CPPED1: variants seen among roughly 807,000 people sequenced by gnomAD.
CPPED1 encodes the protein serine/threonine-protein phosphatase CPPED1.
Under a neutral mutation model 28.0 loss-of-function variants are expected in CPPED1, and 28 were observed. The ratio of observed to expected loss-of-function variants is 1.00; its 90% CI spans 0.74 to 1.37. The LOEUF (loss-of-function observed/expected upper bound fraction) is 1.37, where lower values mean the gene tolerates loss of function less well. Among genes scored for constraint, CPPED1 ranks in the 40% most tolerant of loss-of-function variants. The probability of loss-of-function intolerance (pLI) is 0.00; values close to 1 mark genes in which losing one functional copy is unlikely to be tolerated. For missense variants in CPPED1, 504 were observed against 416.5 expected (o/e 1.21, Z -1.83); for synonymous variants, 198 against 180.2 (o/e 1.10, Z -0.79).
intron 2 of CPPED1, among the ~76,000 whole-genome samples, chr16:12,771,690 A>C (rs1470229280): frequency 6.6e-6 from 1 of 152,236 alleles, no homozygotes; most frequent in Non-Finnish European, 1.5e-5. Context: ...CTGGAGGAAA[A>C]TGAGTATCAA....
At chr16:12,749,937 G>C (rs1413301592) in intron 2 of CPPED1, among the ~76,000 whole-genome samples, 2 of 152,164 alleles carry the variant, frequency 1.3e-5, no homozygotes, top group Non-Finnish European at 2.9e-5. Context: ...ATCCTTTCCA[G>C]AAGGTTTTCA....
intron 1 of CPPED1, among the ~76,000 whole-genome samples, chr16:12,787,055 T>C (rs1425365049): frequency 6.6e-6 from 1 of 152,270 alleles, no homozygotes; most frequent in East Asian, 1.9e-4. Context: ...CACACACACA[T>C]ACATACACGT....
At chr16:12,718,104 G>A (rs1300480224) in intron 2 of CPPED1, among the ~76,000 whole-genome samples, 1 of 152,202 alleles carries the variant, frequency 6.6e-6, no homozygotes, top group Admixed American at 6.5e-5. Flanking sequence ...TCTGTCAGGG[G>A]AAGAGAAGAG....
chr16:12,680,076 C>T (rs2079897200), intron 3 of CPPED1, among the ~76,000 whole-genome samples: 1 of 152,208 alleles, frequency 6.6e-6, no homozygotes, highest in African/African-American at 2.4e-5. Flanking sequence ...AGTTCTGCCT[C>T]TTACCTTCCC....
chr16:12,682,621 C>T lies in CPPED1; in HGVS notation c.716-17506G>A, dbSNP rs75629655. Among the ~76,000 whole-genome samples the T allele has an allele frequency of 0.034, 5,109 of 152,190 alleles. 306 individuals carry two copies. The highest frequency in any genetic ancestry group is 0.12 in the African/African-American group (4,833 of 41,490). On this transcript the variant is annotated intron_variant, in intron 3 of 3. Transcript: ENST00000381774. The surrounding 1 kb of genome is among the most constrained non-coding windows in gnomAD (Gnocchi z 6.1). ...AAGGCAAGACTAGTATCAACCATCCCCAGGGCCACTGGGAAGATAAGTGAG... is the reference window on the plus strand; with the variant it reads ...AAGGCAAGACTAGTATCAACCATCCTCAGGGCCACTGGGAAGATAAGTGAG...
intron 2 of CPPED1, among the ~76,000 whole-genome samples, chr16:12,708,415 A>T (rs567699525): frequency 6.6e-6 from 1 of 152,146 alleles, no homozygotes; most frequent in South Asian, 2.1e-4. Flanking sequence ...TACTAAGATA[A>T]TGATGTCTAG....
At chr16:12,708,815 C>T (rs1309905949) in intron 2 of CPPED1, among the ~76,000 whole-genome samples, 2 of 152,168 alleles carry the variant, frequency 1.3e-5, no homozygotes, top group African/African-American at 4.8e-5. Flanking sequence ...TGCAGTGGCT[C>T]ATGCCTGTAC....
chr16:12,707,665 A>C (rs1374414277), intron 2 of CPPED1, among the ~76,000 whole-genome samples: 1 of 152,196 alleles, frequency 6.6e-6, no homozygotes, highest in Admixed American at 6.5e-5. Flanking sequence ...GTTCAAAAGA[A>C]AGGCTGACTT....
intron 1 of CPPED1, among the ~76,000 whole-genome samples, chr16:12,799,548 G>A (rs112076119): frequency 0.023 from 3,436 of 152,246 alleles, 88 homozygotes; most frequent in African/African-American, 0.064. Context: ...TCCCAGCCTC[G>A]AAAAGCTAGT....
At chr16:12,747,275 T>C (rs2080295761) in intron 2 of CPPED1, among the ~76,000 whole-genome samples, 1 of 151,544 alleles carries the variant, frequency 6.6e-6, no homozygotes, top group African/African-American at 2.4e-5. Context: ...CTATAAAAAG[T>C]ACACAAATTT....
At chr16:12,787,363 A>AT (rs1263170226) in intron 1 of CPPED1, among the ~76,000 whole-genome samples, 1 of 150,928 alleles carries the variant, frequency 6.6e-6, no homozygotes, top group Non-Finnish European at 1.5e-5. Flanking sequence ...TAAAACACCT[A>AT]TATCTGTTAT....
At chr16:12,676,593 G>C (rs1295314929) in intron 3 of CPPED1, among the ~76,000 whole-genome samples, 1 of 152,238 alleles carries the variant, frequency 6.6e-6, no homozygotes, top group East Asian at 1.9e-4. Context: ...CACAGGCTCT[G>C]TCCACCATCT....
At chr16:12,710,807 G>C (rs2080076058) in intron 2 of CPPED1, among the ~76,000 whole-genome samples, 2 of 152,204 alleles carry the variant, frequency 1.3e-5, no homozygotes. Context: ...ATACCCATGA[G>C]GATAGCTACT....
At chr16:12,716,038 T>C (rs2080105402) in intron 2 of CPPED1, among the ~76,000 whole-genome samples, 1 of 152,116 alleles carries the variant, frequency 6.6e-6, no homozygotes, top group Non-Finnish European at 1.5e-5. Flanking sequence ...AGCCAAGAAG[T>C]AACATGGACT....
chr16:12,767,748 AG>A (rs2141230593), intron 2 of CPPED1, among the ~76,000 whole-genome samples: 1 of 152,324 alleles, frequency 6.6e-6, no homozygotes, highest in East Asian at 1.9e-4. Flanking sequence ...ATCTGAGGTC[AG>A]GAGTTTGAGA....
intron 2 of CPPED1, among the ~76,000 whole-genome samples, chr16:12,734,439 G>C (rs1279510985): frequency 6.6e-6 from 1 of 151,950 alleles, no homozygotes; most frequent in African/African-American, 2.4e-5. Context: ...GAGTGCAGTG[G>C]TGCTATCTCA....
chr16:12,769,245 AATT>A (rs1250091816), intron 2 of CPPED1, among the ~76,000 whole-genome samples: 3 of 142,884 alleles, frequency 2.1e-5, no homozygotes, highest in African/African-American at 7.3e-5. Context: ...CCAACACATG[AATT>A]ATTACTATAT....
At position 12,771,444 on chromosome 16, in the gene CPPED1, A is replaced by G. The variant is rs115261923; in HGVS notation, c.289+9741T>C. Among the ~76,000 whole-genome samples, 166 of 152,358 alleles carry G rather than the reference A, an allele frequency of 1.1e-3. 1 individual carries two copies. The highest frequency in any genetic ancestry group is 3.8e-3 in the African/African-American group (159 of 41,588). ...TTCCACGTGCCTTGCACTGGGCACTAAATGAAAGTACACACCAATACGGAC... is the reference window on the plus strand; with the variant it reads ...TTCCACGTGCCTTGCACTGGGCACTGAATGAAAGTACACACCAATACGGAC... On this transcript the variant is annotated intron_variant, in intron 2 of 3. Transcript: ENST00000381774.
chr16:12,703,380 A>G (rs891263788), intron 3 of CPPED1, among the ~76,000 whole-genome samples: 3 of 152,238 alleles, frequency 2.0e-5, no homozygotes, highest in African/African-American at 7.2e-5. Flanking sequence ...CTCTCTCCGG[A>G]TTCTGGAGGA....
Sources: gnomAD v4.1 joint callset for allele counts (sites outside exome capture counted in the v4.1 genomes callset) on GRCh38, gnomAD v4.1.1 for gene constraint, Gnocchi (gnomAD v3.1) non-coding constraint, MANE v1.5 for transcripts, NCBI Gene and HGNC (gene_info 2026-07-23, HGNC 2026-07-21) for gene names.